Variants in SLC25A48 observed in about 807,000 individuals in gnomAD.
The protein encoded by SLC25A48 is solute carrier family 25 member 48.
In SLC25A48, 29 loss-of-function variants were observed where a neutral mutation model predicts 32.2. That is an observed-to-expected ratio of 0.90 (90% CI 0.67 to 1.23). SLC25A48 has a LOEUF of 1.23. Among genes scored for constraint, SLC25A48 ranks in the 50% most tolerant of loss-of-function variants. The probability of loss-of-function intolerance (pLI) is 0.00; values close to 1 mark genes in which losing one functional copy is unlikely to be tolerated. For synonymous variants in SLC25A48, 164 were observed against 172.3 expected (o/e 0.95, Z 0.38); for missense variants, 399 against 422.7 (o/e 0.94, Z 0.49).
intron 3 of SLC25A48, among the ~76,000 whole-genome samples, chr5:135,774,122 G>C (rs977123654): frequency 1.3e-5 from 2 of 151,668 alleles, no homozygotes; most frequent in African/African-American, 4.8e-5. Flanking sequence ...CTATATCGAA[G>C]GGTGTGTACA....
chr5:135,750,050 T>C (rs1424931160), intron 3 of SLC25A48, among the ~76,000 whole-genome samples: 1 of 152,164 alleles, frequency 6.6e-6, no homozygotes, highest in African/African-American at 2.4e-5. Context: ...CAGATCTGTG[T>C]ATCCTACCTT....
At chr5:135,838,279 G>A (rs1288538188) in intron 1 of SLC25A48, among the ~76,000 whole-genome samples, 1 of 152,194 alleles carries the variant, frequency 6.6e-6, no homozygotes, top group African/African-American at 2.4e-5. Context: ...TGATTTTGGT[G>A]CTGCTAAAAG....
chr5:135,730,840 C>T lies in SLC25A48; in HGVS notation c.-520-81683C>T, dbSNP rs568017712. ...GTACTGGAGCAAAGGTGACATGTGC[C>T]TAGAAGGTGAGTATCATTATCTCTG... On this transcript the variant is annotated intron_variant, in intron 3 of 10. Transcript: ENST00000646290. Among the ~76,000 whole-genome samples, 20 of 152,214 alleles carry T rather than the reference C, an allele frequency of 1.3e-4. No homozygotes were observed. In the South Asian group the frequency reaches 3.7e-3, roughly 28 times the overall value.
At chr5:135,645,971 A>C (rs1357783375) in intron 3 of SLC25A48, among the ~76,000 whole-genome samples, 6 of 152,240 alleles carry the variant, frequency 3.9e-5, no homozygotes, top group Admixed American at 2.0e-4. Flanking sequence ...CCAGGCAATA[A>C]GATGGCCACA....
At chr5:135,585,420 G>A (rs771163705) in intron 1 of SLC25A48, among the ~76,000 whole-genome samples, 2 of 152,158 alleles carry the variant, frequency 1.3e-5, no homozygotes, top group African/African-American at 2.4e-5. Context: ...CTAGCCCCAG[G>A]GTAGGAGAGG....
chr5:135,723,629 A>G lies in SLC25A48; in HGVS notation c.-521+88673A>G, dbSNP rs370882894. Among the ~76,000 whole-genome samples, 28 of 152,142 alleles carry G rather than the reference A, an allele frequency of 1.8e-4. No individual in the cohort carries two copies. In the Middle Eastern group the frequency reaches 0.01, roughly 55 times the overall value. ...ACTCCTAATCCCATCACTGAAGCAA[A>G]TCAACTGTTTTTAATCTTCCCTTCC... On this transcript the variant is annotated intron_variant, in intron 3 of 10. Coordinates refer to the SLC25A48 transcript ENST00000646290.
At chr5:135,794,834 G>A (rs1431835654) in intron 3 of SLC25A48, among the ~76,000 whole-genome samples, 1 of 151,658 alleles carries the variant, frequency 6.6e-6, no homozygotes, top group African/African-American at 2.4e-5. Flanking sequence ...CTAATATTCG[G>A]GGGGGAAGTA....
chr5:135,601,247 A>G (rs1561753088), intron 1 of SLC25A48: 1 of 152,286 alleles, frequency 6.6e-6, no homozygotes, highest in Non-Finnish European at 1.5e-5. Flanking sequence ...TTCATTCGTG[A>G]TAATAACCGC....
chr5:135,838,623 G>A (rs182487730), intron 1 of SLC25A48, among the ~76,000 whole-genome samples: 105 of 152,344 alleles, frequency 6.9e-4, no homozygotes, highest in African/African-American at 2.4e-3. Context: ...CTAGGGACTT[G>A]GTGCTCTGTG....
At chr5:135,723,592 G>C (rs1036427776) in intron 3 of SLC25A48, among the ~76,000 whole-genome samples, 5 of 147,324 alleles carry the variant, frequency 3.4e-5, no homozygotes, top group Non-Finnish European at 1.5e-5. Context: ...TAACAGAAAT[G>C]TTGCTTTAAT....
At chr5:135,870,964 A>T (rs1274907362) in intron 4 of SLC25A48, among the ~76,000 whole-genome samples, 1 of 151,846 alleles carries the variant, frequency 6.6e-6, no homozygotes, top group East Asian at 1.9e-4. Flanking sequence ...TATTTTCAAT[A>T]AGCGGTAGAG....
intron 4 of SLC25A48, among the ~76,000 whole-genome samples, chr5:135,860,893 C>T (rs538237384): frequency 6.6e-6 from 1 of 152,286 alleles, no homozygotes; most frequent in East Asian, 1.9e-4. Flanking sequence ...CTTCTTCGCT[C>T]TGGTACATAT....
intron 1 of SLC25A48, among the ~76,000 whole-genome samples, chr5:135,591,943 A>G (rs550136682): frequency 6.6e-6 from 1 of 152,230 alleles, no homozygotes; most frequent in African/African-American, 2.4e-5. Flanking sequence ...TCTTGGCTGA[A>G]CCTGCCCCCA....
chr5:135,693,332 G>C (rs1754187985), intron 3 of SLC25A48, among the ~76,000 whole-genome samples: 1 of 152,186 alleles, frequency 6.6e-6, no homozygotes, highest in Admixed American at 6.5e-5. Flanking sequence ...GAAAGGAATG[G>C]GTCAGGCCTG....
chr5:135,863,844 G>T (rs1177836292), intron 4 of SLC25A48, among the ~76,000 whole-genome samples: 1 of 152,192 alleles, frequency 6.6e-6, no homozygotes, highest in African/African-American at 2.4e-5. Context: ...AAATGCTAAA[G>T]TTGGGGTGAT....
intron 3 of SLC25A48, among the ~76,000 whole-genome samples, chr5:135,745,072 A>G (rs1052345911): frequency 3.9e-5 from 6 of 152,208 alleles, no homozygotes; most frequent in Non-Finnish European, 8.8e-5. Context: ...CAGCAGTGCT[A>G]GAGGAATTAA....
chr5:135,859,542 G>A (rs2126765281), intron 4 of SLC25A48, among the ~76,000 whole-genome samples: 1 of 152,314 alleles, frequency 6.6e-6, no homozygotes, highest in East Asian at 1.9e-4. Context: ...TTGACACAAG[G>A]CCAGCCACAC....
At chr5:135,686,884 G>A (rs1392132200) in intron 3 of SLC25A48, among the ~76,000 whole-genome samples, 1 of 152,128 alleles carries the variant, frequency 6.6e-6, no homozygotes, top group Non-Finnish European at 1.5e-5. Flanking sequence ...TGACATTCTG[G>A]GAAGAGCTTC....
At chr5:135,874,556 C>A (rs1430977307) in intron 6 of SLC25A48, 24 of 582,704 alleles carry the variant, frequency 4.1e-5, no homozygotes, top group Non-Finnish European at 6.7e-5. Flanking sequence ...AGCTGCCTTG[C>A]CTCCTTCCTG....
Sources: gnomAD v4.1 joint callset for allele counts (sites outside exome capture counted in the v4.1 genomes callset) on GRCh38, gnomAD v4.1.1 for gene constraint, MANE v1.5 for transcripts, NCBI Gene and HGNC (gene_info 2026-07-23, HGNC 2026-07-21) for gene names.